ADCY8: variants seen among roughly 807,000 people sequenced by gnomAD.
The protein encoded by ADCY8 is adenylate cyclase 8, also known as adenylate cyclase type 8.
Under a neutral mutation model 119.7 loss-of-function variants are expected in ADCY8, and 51 were observed. The ratio of observed to expected loss-of-function variants is 0.43; its 90% CI spans 0.34 to 0.54. The LOEUF (loss-of-function observed/expected upper bound fraction) is 0.54. ADCY8 is among the 20% of genes least tolerant of loss of function. The pLI, the probability that ADCY8 is intolerant of heterozygous loss-of-function variation, is 0.03. For synonymous variants in ADCY8, 665 were observed against 651.0 expected (o/e 1.02, Z -0.33); for missense variants, 1,383 against 1,598.8 (o/e 0.87, Z 2.30).
chr8:131,031,344 C>A (rs922625386), intron 1 of ADCY8, among the ~76,000 whole-genome samples: 12 of 152,184 alleles, frequency 7.9e-5, no homozygotes, highest in Non-Finnish European at 1.6e-4. Context: ...GTCTTAATTC[C>A]ATTCCACAGG....
At chr8:130,838,935 A>C (rs1196041057) in intron 11 of ADCY8, among the ~76,000 whole-genome samples, 1 of 141,042 alleles carries the variant, frequency 7.1e-6, no homozygotes, top group East Asian at 2.2e-4. Flanking sequence ...TTCTGCAGGC[A>C]CATCTGAAGA....
At chr8:130,940,387 T>A (rs7007107) in intron 4 of ADCY8, among the ~76,000 whole-genome samples, 5,939 of 152,298 alleles carry the variant, frequency 0.039, 370 homozygotes, top group African/African-American at 0.14. Flanking sequence ...AATGATGTGA[T>A]GATGTTCACG....
rs118121295 is a variant in ADCY8 at position 130,973,586 on chromosome 8, C to G, written c.1110+16807G>C. 2.1e-3 allele frequency among the ~76,000 whole-genome samples: 323 copies of G among 152,332 alleles called. 5 individuals are homozygous for G. In the East Asian group the frequency reaches 0.057, roughly 27 times the overall value. On this transcript the variant is annotated intron_variant, in intron 2 of 17. Transcript: ENST00000286355. ...GATCAGACCAGAACTCTCCAGCCAA[C>G]ACACATTTGTGAGCTAAGTAAATGG... is the stretch of plus-strand genomic sequence containing the variant.
At chr8:130,800,331 C>A (rs200886142) in intron 15 of ADCY8, 95 bp downstream of exon 15, 27 of 1,351,596 alleles carry the variant, frequency 2.0e-5, no homozygotes, top group African/African-American at 1.4e-4. Context: ...CCGTTAAGTG[C>A]AAAAAAAAAA....
Position 130,948,939 on chromosome 8 carries a change from G to A in ADCY8, c.1241+2929C>T, listed in dbSNP as rs564348165. 8.5e-5 allele frequency among the ~76,000 whole-genome samples: 13 copies of A among 152,262 alleles called. No individual in the cohort carries two copies. The South Asian group carries it at 2.3e-3, about 27-fold the overall frequency. On this transcript the variant is annotated intron_variant, in intron 3 of 17. Coordinates refer to ENST00000286355, the MANE Select transcript of ADCY8 (RefSeq NM_001115.3). Reference sequence around the variant, plus strand: ...CTGAGTTCATCTTCCCGAAACCCCCGGAGCCGCGGGCATCTCACCACGCTG... The same window carrying A: ...CTGAGTTCATCTTCCCGAAACCCCCAGAGCCGCGGGCATCTCACCACGCTG...
intron 1 of ADCY8, among the ~76,000 whole-genome samples, chr8:131,006,170 G>A (rs1823112545): frequency 6.6e-6 from 1 of 152,054 alleles, no homozygotes; most frequent in African/African-American, 2.4e-5. Context: ...CACATTTCCT[G>A]CCAGCAAACT....
chr8:130,810,368 AC>A (rs1816125187), intron 14 of ADCY8, among the ~76,000 whole-genome samples: 1 of 151,442 alleles, frequency 6.6e-6, no homozygotes, highest in Non-Finnish European at 1.5e-5. Flanking sequence ...ACACACACAC[AC>A]ACACACACAC....
chr8:130,998,285 G>C (rs534218082), intron 1 of ADCY8, among the ~76,000 whole-genome samples: 6 of 152,310 alleles, frequency 3.9e-5, no homozygotes, highest in Admixed American at 1.3e-4. Context: ...TTCAGAGAAG[G>C]CCTCTCTGAT....
intron 9 of ADCY8, among the ~76,000 whole-genome samples, chr8:130,861,584 T>C (rs1032014977): frequency 6.6e-6 from 1 of 152,208 alleles, no homozygotes; most frequent in African/African-American, 2.4e-5. Flanking sequence ...GGTGGGTCCT[T>C]TGGGATTTTC....
chr8:131,037,761 G>C (rs1824208360), intron 1 of ADCY8, among the ~76,000 whole-genome samples: 1 of 152,150 alleles, frequency 6.6e-6, no homozygotes, highest in Non-Finnish European at 1.5e-5. Flanking sequence ...TTGGAAGAAA[G>C]TAGATTTAGA....
intron 11 of ADCY8, among the ~76,000 whole-genome samples, chr8:130,846,932 CTTCCTTCT>C: frequency 7.6e-6 from 1 of 131,332 alleles, no homozygotes; most frequent in Non-Finnish European, 1.6e-5. Context: ...TCCTTCCTTC[CTTCCTTCT>C]CCTTCCTTCC....
intron 5 of ADCY8, among the ~76,000 whole-genome samples, chr8:130,920,144 T>TAAAAA (rs71304399): frequency 2.0e-5 from 2 of 99,808 alleles, no homozygotes; most frequent in African/African-American, 3.9e-5. Context: ...CTCCGTTTCT[T>TAAAAA]AAAAAAAAAA....
intron 2 of ADCY8, among the ~76,000 whole-genome samples, chr8:130,955,695 T>G (rs929032378): frequency 6.6e-6 from 1 of 152,220 alleles, no homozygotes; most frequent in African/African-American, 2.4e-5. Context: ...AATGAAAAAT[T>G]AAGAAACTTT....
At chr8:130,784,196 G>T (rs1815178540) in intron 16 of ADCY8, among the ~76,000 whole-genome samples, 1 of 151,960 alleles carries the variant, frequency 6.6e-6, no homozygotes. Flanking sequence ...GTATGTGTGT[G>T]GGTATGGGTA....
intron 15 of ADCY8, among the ~76,000 whole-genome samples, chr8:130,787,976 A>G (rs562902596): frequency 4.6e-5 from 7 of 152,186 alleles, no homozygotes; most frequent in Non-Finnish European, 1.0e-4. Flanking sequence ...AGTCAAGAAT[A>G]GTTTTGGATT....
rs796086182 is a variant in ADCY8 at position 130,871,580 on chromosome 8, C to T, written c.2110-3634G>A. On this transcript the variant is annotated intron_variant, in intron 8 of 17. Coordinates refer to ENST00000286355, the MANE Select transcript of ADCY8 (RefSeq NM_001115.3). ...ACCTACTGTCAATCAATTAATTATA[C>T]TTATTTTATTTCTATACTTTCTTCT... 6.6e-5 allele frequency among the ~76,000 whole-genome samples: 10 copies of T among 152,302 alleles called. 1 individual carries two copies. The highest frequency in any genetic ancestry group is 1.9e-4 in the East Asian group (1 of 5,186).
At chr8:130,963,542 C>T (rs138035769) in intron 2 of ADCY8, among the ~76,000 whole-genome samples, 29 of 152,218 alleles carry the variant, frequency 1.9e-4, no homozygotes, top group East Asian at 5.8e-4. Context: ...CTGTATTAGA[C>T]GCTATAAATT....
chr8:130,813,955 C>G (rs1816255029), intron 14 of ADCY8, 114 bp downstream of exon 14: 1 of 1,326,014 alleles, frequency 7.5e-7, no homozygotes, highest in East Asian at 2.3e-5. Flanking sequence ...TTTCTCCATT[C>G]TCATGCACTC....
chr8:130,806,915 A>G (rs1196199247), intron 14 of ADCY8, among the ~76,000 whole-genome samples: 1 of 152,154 alleles, frequency 6.6e-6, no homozygotes, highest in Non-Finnish European at 1.5e-5. Flanking sequence ...CAACCTACAT[A>G]CACCTTCCGA....
Sources: allele counts gnomAD v4.1 joint callset (sites outside exome capture counted in the v4.1 genomes callset), GRCh38; gene constraint gnomAD v4.1.1; transcripts MANE v1.5; gene names NCBI Gene and HGNC (gene_info 2026-07-23, HGNC 2026-07-21).